ANO3: variants seen among roughly 807,000 people sequenced by gnomAD.
ANO3 encodes anoctamin 3.
Under a neutral mutation model 144.8 loss-of-function variants are expected in ANO3, and 99 were observed. That is an observed-to-expected ratio of 0.68 (90% CI 0.58 to 0.81). The LOEUF (loss-of-function observed/expected upper bound fraction) is 0.81, where lower values mean the gene tolerates loss of function less well. Ranked by LOEUF, ANO3 falls within the 30% of genes least tolerant of loss-of-function variation. The pLI is 0.00. For synonymous variants in ANO3, 414 were observed against 392.6 expected (o/e 1.05, Z -0.64); for missense variants, 905 against 1,202.2 (o/e 0.75, Z 3.66).
At chr11:26,270,893 C>T (rs1336808445) in intron 1 of ANO3, among the ~76,000 whole-genome samples, 1 of 152,116 alleles carries the variant, frequency 6.6e-6, no homozygotes, top group African/African-American at 2.4e-5. Context: ...AAAAATATAG[C>T]ATCAGCTGGA....
intron 1 of ANO3, among the ~76,000 whole-genome samples, chr11:26,245,160 T>C (rs935507908): frequency 6.6e-6 from 1 of 152,184 alleles, no homozygotes; most frequent in African/African-American, 2.4e-5. Context: ...GAAAAATGCA[T>C]GGGTAAAGTA....
intron 4 of ANO3, among the ~76,000 whole-genome samples, chr11:26,472,599 A>C (rs748955726): frequency 5.3e-5 from 8 of 152,040 alleles, no homozygotes; most frequent in Non-Finnish European, 7.4e-5. Context: ...TTGGGTAGTT[A>C]GGGGTCATGT....
intron 4 of ANO3, among the ~76,000 whole-genome samples, chr11:26,484,015 G>T (rs1860337570): frequency 6.6e-6 from 1 of 152,166 alleles, no homozygotes; most frequent in Non-Finnish European, 1.5e-5. Flanking sequence ...CTGCTCTAGA[G>T]ATCTGGAAAT....
At chr11:26,586,198 A>G (rs1387432916) in intron 14 of ANO3, among the ~76,000 whole-genome samples, 1 of 152,096 alleles carries the variant, frequency 6.6e-6, no homozygotes, top group Non-Finnish European at 1.5e-5. Flanking sequence ...ATTTTGACTT[A>G]ATTGGTCTAA....
intron 1 of ANO3, among the ~76,000 whole-genome samples, chr11:26,197,307 G>T (rs563531460): frequency 6.6e-6 from 1 of 152,254 alleles, no homozygotes. Flanking sequence ...TGTCTGTATT[G>T]AATGAAATTA....
intron 4 of ANO3, among the ~76,000 whole-genome samples, chr11:26,485,641 C>T (rs916042211): frequency 4.6e-5 from 7 of 152,196 alleles, no homozygotes; most frequent in African/African-American, 1.4e-4. Context: ...TATGCTTGGT[C>T]CTTTGTATGA....
At chr11:26,221,018 A>C (rs1852132667) in intron 1 of ANO3, among the ~76,000 whole-genome samples, 1 of 152,184 alleles carries the variant, frequency 6.6e-6, no homozygotes, top group Non-Finnish European at 1.5e-5. Flanking sequence ...GGCATATTTT[A>C]GCCAAGTCTC....
intron 1 of ANO3, among the ~76,000 whole-genome samples, chr11:26,224,318 C>T (rs1488699906): frequency 6.6e-6 from 1 of 152,238 alleles, no homozygotes; most frequent in Non-Finnish European, 1.5e-5. Context: ...TGTTTACAGT[C>T]TTCCAGTGTG....
chr11:26,439,612 T>C (rs1404452749), intron 1 of ANO3, among the ~76,000 whole-genome samples: 1 of 152,224 alleles, frequency 6.6e-6, no homozygotes, highest in Admixed American at 6.5e-5. Flanking sequence ...ATCGATTTTA[T>C]GGTATATGAT....
At position 26,441,997 on chromosome 11, in the gene ANO3, G is replaced by C. The variant is rs748671370; in HGVS notation, c.126G>C (p.Gln42His). ...GGAGATCCCTGCCTTGCCTCGCCCA[G>C]AGCTACGCTTACTCAAAGAGCTTGA... ...PSRRSLPCLA[Q>H]SYAYSKSLSQ... The change falls in exon 2 of 27, where the codon CAG (glutamine) becomes CAC (histidine). Residue 42 changes from glutamine to histidine, a missense_variant. This residue lies in a region of ANO3 where 174 missense variants were observed against 171.9 expected (regional missense o/e 1.01). Coordinates refer to ENST00000256737, the MANE Select transcript of ANO3 (RefSeq NM_031418.4). The C allele has an allele frequency of 1.9e-6, 3 of 1,614,112 alleles. No individual in the cohort carries two copies. The highest frequency in any genetic ancestry group is 1.7e-6 in the Non-Finnish European group (2 of 1,180,002).
chr11:26,499,839 T>A (rs1861120528), intron 4 of ANO3, among the ~76,000 whole-genome samples: 1 of 151,838 alleles, frequency 6.6e-6, no homozygotes, highest in Admixed American at 6.6e-5. Context: ...AATCACCCAT[T>A]TAAAGTATTT....
chr11:26,603,660 G>C (rs1449313678), intron 17 of ANO3, among the ~76,000 whole-genome samples: 1 of 137,518 alleles, frequency 7.3e-6, no homozygotes, highest in African/African-American at 2.6e-5. Context: ...ATTTTTTCTA[G>C]AATACACATA....
Position 26,507,690 on chromosome 11 carries a change from A to G in ANO3, c.433-414A>G, listed in dbSNP as rs142498971. 1.7e-4 allele frequency among the ~76,000 whole-genome samples: 26 copies of G among 152,354 alleles called. No individual in the cohort carries two copies. In the East Asian group the frequency reaches 3.9e-3, roughly 23 times the overall value. ...GCATGTAATGAGTAGTATATAGGAT[A>G]AAATATTGAAAGCACTTATGTCTGG... On this transcript the variant is annotated intron_variant, in intron 4 of 26. Coordinates refer to ENST00000256737, the MANE Select transcript of ANO3 (RefSeq NM_031418.4).
intron 21 of ANO3, among the ~76,000 whole-genome samples, chr11:26,641,212 ACG>A (rs1407163293): frequency 8.3e-5 from 5 of 60,546 alleles, no homozygotes; most frequent in Non-Finnish European, 2.6e-4. Context: ...AAGCAGACTC[ACG>A]GACACAGACT....
At chr11:26,332,466 T>G in intron 1 of ANO3, 145 bp downstream of exon 1, 17 of 745,116 alleles carry the variant, frequency 2.3e-5, no homozygotes, top group Middle Eastern at 3.5e-4. Context: ...AAAAATTAAA[T>G]TCCTCTTCAC....
intron 1 of ANO3, among the ~76,000 whole-genome samples, chr11:26,208,522 A>T (rs944311471): frequency 4.6e-5 from 7 of 151,910 alleles, no homozygotes; most frequent in Admixed American, 2.6e-4. Context: ...CAAAAAAAAA[A>T]AAAAAGGAAT....
intron 1 of ANO3, among the ~76,000 whole-genome samples, chr11:26,407,076 G>GTATATA (rs374806519): frequency 3.7e-4 from 38 of 101,514 alleles, no homozygotes; most frequent in African/African-American, 1.2e-3. Flanking sequence ...GTGTGTGTGT[G>GTATATA]TATATATATA....
chr11:26,384,999 C>G (rs1856686157), intron 1 of ANO3, among the ~76,000 whole-genome samples: 1 of 152,126 alleles, frequency 6.6e-6, no homozygotes, highest in African/African-American at 2.4e-5. Context: ...TATGTTTATC[C>G]CTTTTCTCAA....
At chr11:26,218,803 G>A (rs1852084974) in intron 1 of ANO3, among the ~76,000 whole-genome samples, 1 of 152,158 alleles carries the variant, frequency 6.6e-6, no homozygotes, top group African/African-American at 2.4e-5. Flanking sequence ...CATGGCACAT[G>A]TGTGTTTTTG....
Sources: allele counts gnomAD v4.1 joint callset (sites outside exome capture counted in the v4.1 genomes callset), GRCh38; gene constraint gnomAD v4.1.1; regional missense constraint gnomAD v4.1.1; transcripts MANE v1.5; gene names NCBI Gene and HGNC (gene_info 2026-07-23, HGNC 2026-07-21).